STK33: variants seen among roughly 807,000 people sequenced by gnomAD.
STK33 encodes serine/threonine-protein kinase 33.
In STK33, 52 loss-of-function variants were observed where a neutral mutation model predicts 58.0. That is an observed-to-expected ratio of 0.90 (90% confidence interval 0.72 to 1.13). The LOEUF (loss-of-function observed/expected upper bound fraction) is 1.13. Among genes scored for constraint, STK33 ranks in the 50% most tolerant of loss-of-function variants. The probability of loss-of-function intolerance (pLI) is 0.00; values close to 1 mark genes in which losing one functional copy is unlikely to be tolerated. For synonymous variants in STK33, 215 were observed against 200.1 expected (o/e 1.07, Z -0.63); for missense variants, 630 against 604.2 (o/e 1.04, Z -0.45).
the STK33 span, among the ~76,000 whole-genome samples, chr11:8,357,146 G>A: frequency 6.6e-6 from 1 of 152,248 alleles, no homozygotes; most frequent in Admixed American, 6.5e-5. Flanking sequence ...AATGAACTCT[G>A]CTCCAAGTAA....
At chr11:8,486,859 G>A (rs1950227110) in intron 1 of STK33, among the ~76,000 whole-genome samples, 1 of 152,216 alleles carries the variant, frequency 6.6e-6, no homozygotes, top group Non-Finnish European at 1.5e-5. Context: ...AGGTATTTAA[G>A]ATGTATAGTG....
chr11:8,545,752 G>T (rs565220251), intron 1 of STK33, among the ~76,000 whole-genome samples: 1 of 152,178 alleles, frequency 6.6e-6, no homozygotes, highest in Non-Finnish European at 1.5e-5. Context: ...GAAGAGAGAT[G>T]AATGACCAAT....
downstream of STK33, among the ~76,000 whole-genome samples, chr11:8,390,155 G>A (rs538005647): frequency 6.6e-5 from 10 of 152,228 alleles, no homozygotes; most frequent in Admixed American, 2.6e-4. Flanking sequence ...CTCCTCAAAT[G>A]AATTTGTCCC....
chr11:8,451,595 G>C (rs2136911712), intron 11 of STK33, among the ~76,000 whole-genome samples: 1 of 152,256 alleles, frequency 6.6e-6, no homozygotes, highest in Admixed American at 6.5e-5. Flanking sequence ...TGGCTACCTG[G>C]GACTGGGATA....
chr11:8,466,384 G>A (rs1948183248), intron 6 of STK33: 1 of 152,204 alleles, frequency 6.6e-6, no homozygotes, highest in Non-Finnish European at 1.5e-5. Flanking sequence ...ACAAATGGGA[G>A]AAATTGGCCA....
chr11:8,446,095 G>T (rs569506797), intron 11 of STK33, among the ~76,000 whole-genome samples: 28 of 152,194 alleles, frequency 1.8e-4, no homozygotes, highest in Non-Finnish European at 3.1e-4. Context: ...CTTCTTCCTG[G>T]TTTAGTCTTG....
chr11:8,399,097 C>T (rs1480711207), intron 15 of STK33, among the ~76,000 whole-genome samples: 1 of 152,212 alleles, frequency 6.6e-6, no homozygotes, highest in Non-Finnish European at 1.5e-5. Flanking sequence ...GAATTGAACT[C>T]AGCTCTGCAC....
Position 8,558,398 on chromosome 11 carries a change from T to TAC in STK33, c.-466+35683_-466+35684dup, listed in dbSNP as rs71059170. On this transcript the variant is annotated intron_variant, in intron 1 of 15. Coordinates refer to ENST00000687296, the MANE Select transcript of STK33 (RefSeq NM_001352389.2). ...CAAAACTCCAAATCTTTGTCAGTGA[T>TAC]ACACACACACACACACACACACACA... Among the ~76,000 whole-genome samples the TAC allele has an allele frequency of 7.1e-3, 1,064 of 149,756 alleles. 5 individuals are homozygous for TAC. Among genetic ancestry groups the TAC allele is most frequent in the Middle Eastern group, 0.014 (4 of 290 alleles).
At chr11:8,591,755 T>C (rs1180877224) in intron 1 of STK33, among the ~76,000 whole-genome samples, 2 of 151,580 alleles carry the variant, frequency 1.3e-5, no homozygotes, top group East Asian at 3.9e-4. Context: ...AAACACTGCA[T>C]ATTCTCACTC....
intron 1 of STK33, among the ~76,000 whole-genome samples, chr11:8,549,822 T>G (rs1273857469): frequency 3.3e-5 from 5 of 152,226 alleles, no homozygotes; most frequent in African/African-American, 1.2e-4. Flanking sequence ...TTATCAGTTG[T>G]AACGTTTTCA....
intron 14 of STK33, among the ~76,000 whole-genome samples, chr11:8,417,554 C>A (rs1273531617): frequency 6.6e-6 from 1 of 152,020 alleles, no homozygotes; most frequent in Non-Finnish European, 1.5e-5. Context: ...TGGTATGAGT[C>A]CAAATCGGCG....
At chr11:8,493,672 G>C (rs1950821851) in intron 1 of STK33, among the ~76,000 whole-genome samples, 1 of 152,172 alleles carries the variant, frequency 6.6e-6, no homozygotes, top group African/African-American at 2.4e-5. Context: ...CAATATCCCT[G>C]ATGAACATCA....
chr11:8,559,120 C>T (rs1238208667), intron 1 of STK33, among the ~76,000 whole-genome samples: 3 of 152,194 alleles, frequency 2.0e-5, no homozygotes, highest in Non-Finnish European at 4.4e-5. Flanking sequence ...AAAATTGCTG[C>T]CTCTAAAGCA....
At chr11:8,564,935 G>A (rs1020778437) in intron 1 of STK33, among the ~76,000 whole-genome samples, 1 of 152,108 alleles carries the variant, frequency 6.6e-6, no homozygotes, top group East Asian at 1.9e-4. Context: ...GGACTAAAAG[G>A]TCTCAGAAGC....
chr11:8,558,197 T>C (rs1049971905), intron 1 of STK33, among the ~76,000 whole-genome samples: 2 of 152,160 alleles, frequency 1.3e-5, no homozygotes, highest in African/African-American at 4.8e-5. Flanking sequence ...TGTTTAACTA[T>C]TGCAAATCAG....
chr11:8,558,694 C>T (rs1440956461), intron 1 of STK33, among the ~76,000 whole-genome samples: 7 of 152,000 alleles, frequency 4.6e-5, no homozygotes, highest in East Asian at 1.9e-4. Flanking sequence ...TACATGTGTC[C>T]GTTTTGTGTG....
At chr11:8,406,510 A>G (rs1939237711) in intron 15 of STK33, among the ~76,000 whole-genome samples, 1 of 152,208 alleles carries the variant, frequency 6.6e-6, no homozygotes. Flanking sequence ...TAAACATGGT[A>G]TATCTCTCCA....
chr11:8,399,864 T>A (rs2135239126), intron 15 of STK33, among the ~76,000 whole-genome samples: 2 of 152,046 alleles, frequency 1.3e-5, no homozygotes, highest in East Asian at 3.9e-4. Flanking sequence ...AACTAGAAAA[T>A]CTAGATGAAA....
intron 14 of STK33, among the ~76,000 whole-genome samples, chr11:8,417,356 GC>G (rs1423001671): frequency 6.6e-6 from 1 of 152,066 alleles, no homozygotes; most frequent in Non-Finnish European, 1.5e-5. Context: ...GAGAAGAACT[GC>G]TTAAATACTA....
Sources: allele counts gnomAD v4.1 joint callset (sites outside exome capture counted in the v4.1 genomes callset), GRCh38; gene constraint gnomAD v4.1.1; transcripts MANE v1.5; gene names NCBI Gene and HGNC (gene_info 2026-07-23, HGNC 2026-07-21).